Variants in DPP10 observed in about 807,000 individuals in gnomAD.
DPP10 encodes the protein inactive dipeptidyl peptidase 10.
Under a neutral mutation model 120.9 loss-of-function variants are expected in DPP10, and 33 were observed. The ratio of observed to expected loss-of-function variants is 0.27; its 90% CI spans 0.21 to 0.37. The LOEUF (loss-of-function observed/expected upper bound fraction) is 0.37. Among genes scored for constraint, DPP10 ranks in the 10% least tolerant of loss-of-function variants. The pLI, the probability that DPP10 is intolerant of heterozygous loss-of-function variation, is 1.00. For missense variants in DPP10, 816 were observed against 942.8 expected, an observed-to-expected ratio of 0.87 and a Z score of 1.76; for synonymous variants, 337 against 326.1, an observed-to-expected ratio of 1.03 and a Z score of -0.36.
chr2:114,816,577 C>T (rs1010582492), intron 1 of DPP10, among the ~76,000 whole-genome samples: 8 of 152,106 alleles, frequency 5.3e-5, no homozygotes, highest in African/African-American at 1.4e-4. Flanking sequence ...TGTGTTGCTC[C>T]GTTTTATTGT....
intron 1 of DPP10, among the ~76,000 whole-genome samples, chr2:115,205,269 T>G (rs1574003214): frequency 6.6e-6 from 1 of 152,342 alleles, no homozygotes; most frequent in East Asian, 1.9e-4. Context: ...AACTTTTGTA[T>G]ATGGTAATAG....
intron 3 of DPP10, among the ~76,000 whole-genome samples, chr2:115,464,918 C>A (rs2105106605): frequency 6.6e-6 from 1 of 152,150 alleles, no homozygotes; most frequent in Non-Finnish European, 1.5e-5. Flanking sequence ...GTCTAAAAGG[C>A]TCCTATCTAC....
chr2:114,448,720 G>T (rs905578921), intron 1 of DPP10, among the ~76,000 whole-genome samples: 57 of 152,156 alleles, frequency 3.7e-4, no homozygotes, highest in African/African-American at 1.3e-3. Context: ...CACAGAAGAG[G>T]TCTAAACAGC....
intron 1 of DPP10, among the ~76,000 whole-genome samples, chr2:114,823,709 G>C (rs1686293134): frequency 6.6e-6 from 1 of 152,188 alleles, no homozygotes; most frequent in Non-Finnish European, 1.5e-5. Flanking sequence ...AGGAAACAGT[G>C]TTACCAGGGC....
chr2:115,430,737 A>T (rs989000330), intron 3 of DPP10, among the ~76,000 whole-genome samples: 1 of 152,106 alleles, frequency 6.6e-6, no homozygotes, highest in Non-Finnish European at 1.5e-5. Context: ...TTCAAGAATG[A>T]TGTTCTTTTC....
At position 114,557,915 on chromosome 2, in the gene DPP10, G is replaced by T. The variant is rs1688452384; in HGVS notation, c.60+115077G>T. On this transcript the variant is annotated intron_variant, in intron 1 of 25. Transcript: ENST00000410059. The stretch of plus-strand genomic sequence containing the variant: ...TGGGATGTATTTTGATCTTGATTTT[G>T]GAGTCTTGAATTCTTTTTCCAAATG... Among the ~76,000 whole-genome samples the T allele has an allele frequency of 3.3e-5, 5 of 152,060 alleles. No individual in the cohort carries two copies. The South Asian group carries it at 1.0e-3, about 32-fold the overall frequency.
chr2:114,725,576 G>A (rs577894985), intron 1 of DPP10, among the ~76,000 whole-genome samples: 4 of 152,292 alleles, frequency 2.6e-5, no homozygotes, highest in African/African-American at 9.6e-5. Context: ...TGCATCTGAA[G>A]CTTTTCATAT....
chr2:114,630,489 A>G (rs537498078), intron 1 of DPP10, among the ~76,000 whole-genome samples: 2 of 152,302 alleles, frequency 1.3e-5, no homozygotes, highest in African/African-American at 4.8e-5. Flanking sequence ...ACCCCATTCC[A>G]TTATAATTTG....
At chr2:115,504,335 A>G (rs2076837681) in intron 4 of DPP10, among the ~76,000 whole-genome samples, 1 of 150,982 alleles carries the variant, frequency 6.6e-6, no homozygotes, top group African/African-American at 2.4e-5. Context: ...GAGGATAAAA[A>G]CTGATGGCTA....
At chr2:115,463,535 G>T (rs2074117791) in intron 3 of DPP10, among the ~76,000 whole-genome samples, 1 of 152,134 alleles carries the variant, frequency 6.6e-6, no homozygotes, top group African/African-American at 2.4e-5. Context: ...ACACATATCT[G>T]TCCATAAGTA....
intron 5 of DPP10, among the ~76,000 whole-genome samples, chr2:115,632,710 T>A (rs12711827): frequency 6.6e-6 from 1 of 152,292 alleles, no homozygotes; most frequent in African/African-American, 2.4e-5. Flanking sequence ...CCAGAATCTA[T>A]AAAAAACTTA....
intron 1 of DPP10, among the ~76,000 whole-genome samples, chr2:114,915,003 C>T (rs552714869): frequency 3.2e-4 from 49 of 152,200 alleles, no homozygotes; most frequent in Admixed American, 2.4e-3. Flanking sequence ...TAGTGGTGGG[C>T]GCCTGTAGTC....
chr2:114,572,280 T>C (rs1409148421), intron 1 of DPP10, among the ~76,000 whole-genome samples: 2 of 152,134 alleles, frequency 1.3e-5, no homozygotes, highest in African/African-American at 4.8e-5. Flanking sequence ...TCTAATAATA[T>C]AGAATGTAAG....
intron 1 of DPP10, among the ~76,000 whole-genome samples, chr2:114,934,712 T>C (rs917195711): frequency 6.6e-6 from 1 of 152,040 alleles, no homozygotes; most frequent in African/African-American, 2.4e-5. Context: ...TGCTGGATGA[T>C]GCCATATATA....
chr2:114,583,135 A>G (rs940045040), intron 1 of DPP10, among the ~76,000 whole-genome samples: 2 of 152,198 alleles, frequency 1.3e-5, no homozygotes, highest in Non-Finnish European at 2.9e-5. Flanking sequence ...TTTAAATTTA[A>G]TTGTATGTCC....
chr2:114,787,467 T>G (rs1000123083), intron 1 of DPP10, among the ~76,000 whole-genome samples: 5 of 152,232 alleles, frequency 3.3e-5, no homozygotes, highest in African/African-American at 1.2e-4. Context: ...CAGTTTATCA[T>G]TTTTAAGTAT....
intron 4 of DPP10, among the ~76,000 whole-genome samples, chr2:115,521,666 C>T (rs1467298668): frequency 1.3e-5 from 2 of 150,550 alleles, no homozygotes; most frequent in Non-Finnish European, 2.9e-5. Context: ...CACTCTTTGC[C>T]TCTGCTTCTT....
chr2:115,735,684 ATTT>A (rs70941095), intron 8 of DPP10, among the ~76,000 whole-genome samples: 1,288 of 62,500 alleles, frequency 0.021, 29 homozygotes, highest in African/African-American at 0.082. Flanking sequence ...CGCCCAGCTA[ATTT>A]TTTTTTTTTT....
At chr2:115,809,689 AG>A (rs145243363) in intron 19 of DPP10, among the ~76,000 whole-genome samples, 2,770 of 152,274 alleles carry the variant, frequency 0.018, 84 homozygotes, top group African/African-American at 0.061. Context: ...CAATGAACTG[AG>A]ATGACTATAA....
Sources: allele counts gnomAD v4.1 joint callset (sites outside exome capture counted in the v4.1 genomes callset), GRCh38; gene constraint gnomAD v4.1.1; transcripts MANE v1.5; gene names NCBI Gene and HGNC (gene_info 2026-07-23, HGNC 2026-07-21).